The following CR1 variants were observed in gnomAD, a reference collection of about 807,000 sequenced individuals.
CR1 encodes complement C3b/C4b receptor 1 (Knops blood group), also known as complement receptor type 1.
Under a neutral mutation model 187.3 loss-of-function variants are expected in CR1, and 116 were observed. That is an observed-to-expected ratio of 0.62 (90% CI 0.53 to 0.72). The LOEUF (loss-of-function observed/expected upper bound fraction) is 0.72, where lower values mean the gene tolerates loss of function less well. Among genes scored for constraint, CR1 ranks in the 30% least tolerant of loss-of-function variants. The probability of loss-of-function intolerance (pLI) is 0.00; values close to 1 mark genes in which losing one functional copy is unlikely to be tolerated. For synonymous variants in CR1, 576 were observed against 747.1 expected (o/e 0.77, Z 3.73); for missense variants, 1,731 against 2,110.7 (o/e 0.82, Z 3.52).
At position 207,641,199 on chromosome 1, in the gene CR1, G is replaced by A. The variant is rs547830921; in HGVS notation, c.*1790G>A. The stretch of plus-strand genomic sequence containing the variant: ...TTTTGAAGAAGTAATTTTTAAAGGA[G>A]GACTAGAAACTAAGTGATTGGGAAT... On this transcript the variant is annotated 3_prime_UTR_variant, in exon 47 of 47. Transcript: ENST00000367049. 1.3e-5 allele frequency: 2 copies of A among 151,954 alleles called. No homozygotes were observed. The highest frequency in any genetic ancestry group is 6.5e-5 in the Admixed American group (1 of 15,278). 9.4% of individuals were successfully genotyped at this position (151,954 alleles called of 1,614,324 possible). A position where few individuals can be genotyped will look rare whatever the true frequency, so the allele number is the denominator to read the frequency against.
intron 39 of CR1, among the ~76,000 whole-genome samples, chr1:207,612,746 T>C (rs1661971525): frequency 6.6e-6 from 1 of 152,122 alleles, no homozygotes; most frequent in African/African-American, 2.4e-5. Context: ...AGTGAGTGAG[T>C]GTGGGGTCCA....
At chr1:207,619,403 A>G (rs369271124) in intron 42 of CR1, among the ~76,000 whole-genome samples, 24 of 152,174 alleles carry the variant, frequency 1.6e-4, no homozygotes, top group African/African-American at 4.6e-4. Context: ...AAGAAAAAGA[A>G]AAAGAAAGAA....
chr1:207,618,268 C>T (rs1260302073), intron 42 of CR1, 21 bp downstream of exon 42: 2 of 1,608,816 alleles, frequency 1.2e-6, no homozygotes, highest in Non-Finnish European at 1.7e-6. Context: ...TCTTGGTATT[C>T]CTTATTCTTG....
At position 207,580,534 on chromosome 1, in the gene CR1, G is replaced by C. The variant is rs1477327262; in HGVS notation, c.5137G>C (p.Gly1713Arg). ...CAVKSCDDFL[G>R]QLPHGRVLFP... ...AGTGAAATCCTGTGATGACTTCTTGGGTCAACTCCCTCATGGCCGTGTGCT... is the reference window on the plus strand; with the variant it reads ...AGTGAAATCCTGTGATGACTTCTTGCGTCAACTCCCTCATGGCCGTGTGCT... Residue 1713 changes from glycine (G) to arginine (R), a missense_variant, in exon 31 of 47, where the codon GGT becomes CGT. Transcript: ENST00000367049. The C allele has an allele frequency of 6.2e-7, 1 of 1,611,800 alleles. No homozygotes were observed. Among genetic ancestry groups the C allele is most frequent in the Admixed American group, 1.7e-5 (1 of 59,684 alleles).
rs758948788 is a variant in CR1 at position 207,618,292 on chromosome 1, A to G, written c.7066+45A>G. The G allele has an allele frequency of 1.8e-5, 28 of 1,567,436 alleles. No individual in the cohort carries two copies. In the South Asian group the frequency reaches 3.2e-4, roughly 18 times the overall value. ...TCCTTATTCTTGCTGGGTTGTATGG[A>G]ATGCATGAGGCTTGTAAGGCTGAGA... is the stretch of plus-strand genomic sequence containing the variant. On this transcript the variant is annotated intron_variant, in intron 42 of 46. Coordinates refer to ENST00000367049, the MANE Select transcript of CR1 (RefSeq NM_000651.6).
In CR1 at chr1:207,636,780, G is replaced by A. The variant is rs188714003; in HGVS notation, c.7458-2617G>A. Among the ~76,000 whole-genome samples, 15 of 152,284 alleles carry A rather than the reference G, an allele frequency of 9.9e-5. No individual in the cohort carries two copies. The East Asian group carries it at 1.7e-3, about 18-fold the overall frequency. On this transcript the variant is annotated intron_variant, in intron 46 of 46. Transcript: ENST00000367049. Reference sequence around the variant, plus strand: ...TTAATACTTCAGTCAAAATATGGACGGATGGCAAGGCCTCCCACGGTTGGT... The same window carrying A: ...TTAATACTTCAGTCAAAATATGGACAGATGGCAAGGCCTCCCACGGTTGGT...
Position 207,577,967 on chromosome 1 carries a change from G to C in CR1, c.4700G>C (p.Ser1567Thr). Residue 1567 changes from serine to threonine, a missense_variant, in exon 29 of 47, where the codon AGC becomes ACC. Transcript: ENST00000367049. ...LVGEPSIYCT[S>T]NDDQVGIWSG... ...GGTGAGCCCTCCATATACTGCACCA[G>C]CAATGACGATCAAGTGGGCATCTGG... is the stretch of plus-strand genomic sequence containing the variant. 1 of 1,611,906 alleles carries C rather than the reference G, an allele frequency of 6.2e-7. No homozygotes were observed. The highest frequency in any genetic ancestry group is 1.1e-5 in the South Asian group (1 of 90,996).
At chr1:207,597,190 G>T (rs963069554) in intron 35 of CR1, among the ~76,000 whole-genome samples, 11 of 151,208 alleles carry the variant, frequency 7.3e-5, no homozygotes, top group African/African-American at 2.7e-4. Flanking sequence ...TTTGTACAGT[G>T]CTGAGTTCCA....
rs199647026 is a variant in CR1, at chr1:207,506,084, G to A, written c.301+1G>A. 1.2e-5 allele frequency: 20 copies of A among 1,612,554 alleles called. No homozygotes were observed. The highest frequency in any genetic ancestry group is 2.2e-5 in the East Asian group (1 of 44,880). ...ACTGGTGCTAAGGACAGGTGCAGAC[G>A]TAAGTAACTCTGGAGTGGGAACCCC... On this transcript the variant is annotated splice_donor_variant, in intron 2 of 46. Coordinates refer to ENST00000367049, the MANE Select transcript of CR1 (RefSeq NM_000651.6). LOFTEE classifies it high-confidence loss of function.
chr1:207,627,907 G>T (rs1349363560), intron 45 of CR1, among the ~76,000 whole-genome samples: 1 of 152,134 alleles, frequency 6.6e-6, no homozygotes, highest in Non-Finnish European at 1.5e-5. Context: ...TCAGAGAAAA[G>T]GAGTAAAGGA....
intron 37 of CR1, among the ~76,000 whole-genome samples, chr1:207,609,969 T>C (rs1293357965): frequency 1.8e-4 from 28 of 152,160 alleles, no homozygotes; most frequent in Admixed American, 1.8e-3. Context: ...AACTGAGTCT[T>C]AGTGATATTA....
intron 2 of CR1, 50 bp downstream of exon 2, chr1:207,506,133 A>T: frequency 3.1e-6 from 5 of 1,587,504 alleles, no homozygotes; most frequent in Non-Finnish European, 4.3e-6. Flanking sequence ...CATCTGTAAG[A>T]TCTGATTCAA....
Position 207,620,042 on chromosome 1 carries a change from C to A in CR1, c.7229C>A (p.Pro2410His). The stretch of plus-strand genomic sequence containing the variant: ...TGCCAGGCGGATGACAGATGGGACC[C>A]TCCTCTGGCCAAATGTACCTCTCGT... The part of the protein sequence containing the change: ...SQCQADDRWD[P>H]PLAKCTSRTH... The change falls in exon 43 of 47, where the codon CCT becomes CAT. Residue 2410 changes from proline to histidine, a missense_variant. This residue lies in a region of CR1 where 1,312 missense variants were observed against 1,379.6 expected (regional missense o/e 0.95). Transcript: ENST00000367049. 2 of 1,611,728 alleles carry A rather than the reference C, an allele frequency of 1.2e-6. No homozygotes were observed. The highest frequency in any genetic ancestry group is 1.7e-6 in the Non-Finnish European group (2 of 1,179,388).
chr1:207,614,597 A>T lies in CR1; in HGVS notation c.6661+108A>T, dbSNP rs55908874. On this transcript the variant is annotated intron_variant, in intron 40 of 46. Transcript: ENST00000367049. ...GTCTAGATCTTTACTTAACTAAATT[A>T]TGGATAAAAATACTTCTTTGTTGGA... is the stretch of plus-strand genomic sequence containing the variant. The T allele has an allele frequency of 5.1e-4, 384 of 751,974 alleles. 5 individuals are homozygous for T. In the African/African-American group the frequency reaches 6.2e-3, roughly 12 times the overall value. 46.6% of individuals were successfully genotyped at this position (751,974 alleles called of 1,614,324 possible). A position where few individuals can be genotyped will look rare whatever the true frequency, so the allele number is the denominator to read the frequency against.
In CR1 at chr1:207,505,939, A is replaced by T. The variant is rs768171570; in HGVS notation, c.157A>T (p.Arg53Trp). The T allele has an allele frequency of 1.8e-5, 29 of 1,613,832 alleles. No homozygotes were observed. The highest frequency in any genetic ancestry group is 1.1e-5 in the Non-Finnish European group (13 of 1,179,848). The stretch of plus-strand genomic sequence containing the variant: ...TGCCCCAGAATGGCTTCCATTTGCC[A>T]GGCCTACCAACCTAACTGATGAATT... ...CNAPEWLPFA[R>W]PTNLTDEFEF... Residue 53 changes from arginine to tryptophan, a missense_variant, in exon 2 of 47, where the codon AGG (arginine) becomes TGG (tryptophan). Arg to Trp is a moderately radical substitution (Grantham distance 101). Transcript: ENST00000367049.
At chr1:207,602,642 T>G (rs1661637743) in intron 35 of CR1, among the ~76,000 whole-genome samples, 1 of 152,066 alleles carries the variant, frequency 6.6e-6, no homozygotes, top group African/African-American at 2.4e-5. Flanking sequence ...AAAGTAGTTG[T>G]GGAAATTCAA....
At chr1:207,581,831 G>C (rs1660964385) in intron 31 of CR1, 87 bp from the exon 32 acceptor site, 1 of 867,620 alleles carries the variant, frequency 1.2e-6, no homozygotes, top group African/African-American at 1.7e-5. Context: ...AATTAACTTA[G>C]GAATTCTCAG....
At chr1:207,575,441 A>G (rs1445446425) in intron 27 of CR1, among the ~76,000 whole-genome samples, 154 bp from the exon 28 acceptor site, 2 of 152,230 alleles carry the variant, frequency 1.3e-5, no homozygotes, top group East Asian at 1.9e-4. Flanking sequence ...AAGAATAAGA[A>G]AAAGAAATAG....
chr1:207,506,663 A>C (rs1460443166), intron 2 of CR1, 51 bp from the exon 3 acceptor site: 10 of 1,497,832 alleles, frequency 6.7e-6, no homozygotes, highest in Non-Finnish European at 9.3e-6. Flanking sequence ...GTACTAAAAA[A>C]AGTTTTTAGT....
Sources: allele counts gnomAD v4.1 joint callset (sites outside exome capture counted in the v4.1 genomes callset), GRCh38; gene constraint gnomAD v4.1.1; regional missense constraint gnomAD v4.1.1; transcripts MANE v1.5; gene names NCBI Gene and HGNC (gene_info 2026-07-23, HGNC 2026-07-21).